SUGCT: variants seen among roughly 807,000 people sequenced by gnomAD.
SUGCT encodes the protein succinyl-CoA:glutarate-CoA transferase, also known as succinyl-CoA:glutarate CoA-transferase.
Under a neutral mutation model 55.0 loss-of-function variants are expected in SUGCT, and 41 were observed. The ratio of observed to expected loss-of-function variants is 0.74; its 90% CI spans 0.58 to 0.97. SUGCT has a LOEUF of 0.97. Ranked by LOEUF, SUGCT falls within the 50% of genes least tolerant of loss-of-function variation. The pLI is 0.00. For synonymous variants in SUGCT, 187 were observed against 200.4 expected, an observed-to-expected ratio of 0.93 and a Z score of 0.56; for missense variants, 568 against 547.8, an observed-to-expected ratio of 1.04 and a Z score of -0.37.
At chr7:40,733,516 T>C (rs1350944556) in intron 12 of SUGCT, among the ~76,000 whole-genome samples, 1 of 152,230 alleles carries the variant, frequency 6.6e-6, no homozygotes, top group Non-Finnish European at 1.5e-5. Flanking sequence ...ACTGAGTTTA[T>C]TGAATTTTAG....
chr7:40,638,002 G>A (rs1800096890), intron 12 of SUGCT, among the ~76,000 whole-genome samples: 1 of 152,166 alleles, frequency 6.6e-6, no homozygotes, highest in Admixed American at 6.5e-5. Flanking sequence ...AGAGGCTATA[G>A]GGTGTGTATT....
At chr7:40,586,151 C>T (rs1048278325) in intron 12 of SUGCT, among the ~76,000 whole-genome samples, 37 of 152,070 alleles carry the variant, frequency 2.4e-4, no homozygotes, top group African/African-American at 8.4e-4. Flanking sequence ...GGAGCTCAGT[C>T]GATGTCTGCT....
At chr7:40,381,421 G>A (rs984792131) in intron 9 of SUGCT, among the ~76,000 whole-genome samples, 1 of 151,752 alleles carries the variant, frequency 6.6e-6, no homozygotes, top group African/African-American at 2.4e-5. Flanking sequence ...CATGGATAAA[G>A]TATTATTATG....
At chr7:40,398,337 C>T (rs1376768277) in intron 9 of SUGCT, among the ~76,000 whole-genome samples, 4 of 152,146 alleles carry the variant, frequency 2.6e-5, no homozygotes, top group Non-Finnish European at 5.9e-5. Context: ...AGTGATCCAC[C>T]TGCCTGGGCC....
intron 12 of SUGCT, among the ~76,000 whole-genome samples, chr7:40,580,150 C>A (rs949860445): frequency 6.6e-6 from 1 of 152,096 alleles, no homozygotes; most frequent in Non-Finnish European, 1.5e-5. Context: ...AAATCCATTA[C>A]GTGAGTGAAA....
chr7:40,485,868 T>C (rs941944517), intron 11 of SUGCT, among the ~76,000 whole-genome samples: 17 of 152,298 alleles, frequency 1.1e-4, no homozygotes, highest in Non-Finnish European at 2.2e-4. Context: ...TGAACCATCT[T>C]TGTATCCCTG....
chr7:40,349,123 C>G (rs565266325), intron 9 of SUGCT, among the ~76,000 whole-genome samples: 1 of 152,140 alleles, frequency 6.6e-6, no homozygotes, highest in African/African-American at 2.4e-5. Context: ...TGCTGGCAAA[C>G]AATGGTAAGT....
intron 12 of SUGCT, among the ~76,000 whole-genome samples, chr7:40,674,597 A>G (rs1802099975): frequency 6.6e-6 from 1 of 152,234 alleles, no homozygotes; most frequent in Admixed American, 6.5e-5. Context: ...GTGTGCCTCC[A>G]CTTCCGAAAA....
In SUGCT at chr7:40,415,021, G is replaced by T. The variant is rs1786894796; in HGVS notation, c.817-34266G>T. ...GGTCACGCCACTGCACTCCAACCTG[G>T]GTGACAGAGCCACACTCTGTCACAA... is the stretch of plus-strand genomic sequence containing the variant. On this transcript the variant is annotated intron_variant, in intron 9 of 13. Transcript: ENST00000335693. Among the ~76,000 whole-genome samples the T allele has an allele frequency of 2.1e-5, 3 of 141,558 alleles. No individual in the cohort carries two copies. In the Admixed American group the frequency reaches 2.2e-4, roughly 10 times the overall value. 92.9% of individuals were successfully genotyped at this position (141,558 alleles called of 152,430 possible).
the SUGCT span, chr7:40,968,000 T>A: frequency 2.6e-5 from 4 of 152,220 alleles, no homozygotes; most frequent in African/African-American, 9.7e-5. Context: ...ATCATAATTT[T>A]AATAACAGAT....
chr7:40,246,303 G>C (rs565678500), intron 7 of SUGCT, among the ~76,000 whole-genome samples: 2 of 151,094 alleles, frequency 1.3e-5, no homozygotes, highest in Admixed American at 1.3e-4. Context: ...AGGATAGAGT[G>C]TAGTGGTGCA....
chr7:40,564,512 A>G (rs1404077254), intron 12 of SUGCT, among the ~76,000 whole-genome samples: 2 of 152,264 alleles, frequency 1.3e-5, no homozygotes, highest in Non-Finnish European at 2.9e-5. Context: ...GAGGAAAGGA[A>G]TGTACTTGAA....
chr7:40,484,389 T>C (rs1247447154), intron 11 of SUGCT, among the ~76,000 whole-genome samples: 2 of 152,166 alleles, frequency 1.3e-5, no homozygotes, highest in Non-Finnish European at 2.9e-5. Context: ...CAGTGGTTAG[T>C]TGGAAAGAAG....
At chr7:40,366,329 A>G (rs1378092008) in intron 9 of SUGCT, among the ~76,000 whole-genome samples, 1 of 152,202 alleles carries the variant, frequency 6.6e-6, no homozygotes, top group Non-Finnish European at 1.5e-5. Flanking sequence ...AAACCTAGGC[A>G]TTACCATTCA....
chr7:40,666,811 T>A (rs1801667230), intron 12 of SUGCT, among the ~76,000 whole-genome samples: 1 of 152,176 alleles, frequency 6.6e-6, no homozygotes, highest in South Asian at 2.1e-4. Context: ...AACAGATTAA[T>A]ATCAAGAAAG....
At chr7:40,694,405 T>A (rs1784833054) in intron 12 of SUGCT, among the ~76,000 whole-genome samples, 1 of 152,228 alleles carries the variant, frequency 6.6e-6, no homozygotes, top group Non-Finnish European at 1.5e-5. Flanking sequence ...ACTTGGCACT[T>A]AATGAGCTGG....
intron 13 of SUGCT, among the ~76,000 whole-genome samples, chr7:40,840,504 AC>A (rs1319841244): frequency 6.6e-6 from 1 of 151,912 alleles, no homozygotes; most frequent in African/African-American, 2.4e-5. Flanking sequence ...CATTCAATCA[AC>A]TAAATGAAAA....
intron 1 of SUGCT, among the ~76,000 whole-genome samples, chr7:40,156,705 T>G (rs575534978): frequency 3.7e-4 from 57 of 152,258 alleles, no homozygotes; most frequent in Non-Finnish European, 6.2e-4. Context: ...TAGGTAGATG[T>G]CAGGTATTAA....
the SUGCT span, among the ~76,000 whole-genome samples, chr7:41,031,118 C>T: frequency 5.3e-5 from 8 of 152,068 alleles, no homozygotes; most frequent in Non-Finnish European, 1.0e-4. Flanking sequence ...CAAGCCACCA[C>T]GCTGGCCTAA....
Sources: gnomAD v4.1 joint callset for allele counts (sites outside exome capture counted in the v4.1 genomes callset) on GRCh38, gnomAD v4.1.1 for gene constraint, MANE v1.5 for transcripts, NCBI Gene and HGNC (gene_info 2026-07-23, HGNC 2026-07-21) for gene names.